Variants in P4HA1 observed in about 807,000 individuals in gnomAD.
P4HA1 encodes prolyl 4-hydroxylase subunit alpha 1.
In P4HA1, 24 loss-of-function variants were observed where a neutral mutation model predicts 72.8. The observed-to-expected ratio is 0.33, with a 90% CI of 0.24 to 0.46. The LOEUF is 0.46. P4HA1 is among the 20% of genes least tolerant of loss of function. P4HA1 has a pLI of 1.00. For synonymous variants in P4HA1, 201 were observed against 218.8 expected (o/e 0.92, Z 0.72); for missense variants, 446 against 640.6 (o/e 0.70, Z 3.28).
chr10:73,093,873 AATATATATAT>A lies in P4HA1; in HGVS notation c.-33+2883_-33+2892del, dbSNP rs1167437294. ...AAAAAAAAAAAAAAAAAAAAAAAAA[AATATATATAT>A]ATATATATATATATATATATATATA... On this transcript the variant is annotated intron_variant, in intron 1 of 14. Transcript: ENST00000394890. Among the ~76,000 whole-genome samples the A allele has an allele frequency of 5.0e-3, 146 of 29,314 alleles. 4 individuals are homozygous for A. The highest frequency in any genetic ancestry group is 6.7e-3 in the Non-Finnish European group (84 of 12,594). The allele number at this position is 29,314 out of a possible 152,430, so 19.2% of individuals were successfully genotyped here.
chr10:73,036,667 G>C (rs930246104), intron 9 of P4HA1, among the ~76,000 whole-genome samples: 12 of 152,162 alleles, frequency 7.9e-5, no homozygotes, highest in African/African-American at 2.6e-4. Flanking sequence ...CAAAGTGCTG[G>C]AATTACAGGT....
chr10:73,017,148 TATAG>T (rs927678516), intron 10 of P4HA1, among the ~76,000 whole-genome samples: 3 of 147,708 alleles, frequency 2.0e-5, no homozygotes, highest in Non-Finnish European at 4.4e-5. Flanking sequence ...CAGATGTATA[TATAG>T]ATATCTATAT....
At chr10:73,076,102 T>C (rs942872931) in intron 1 of P4HA1, among the ~76,000 whole-genome samples, 1 of 151,918 alleles carries the variant, frequency 6.6e-6, no homozygotes, top group Non-Finnish European at 1.5e-5. Flanking sequence ...TAAAATAAAA[T>C]TGACTGTGGT....
chr10:73,053,611 G>A, intron 5 of P4HA1, 21 bp from the exon 6 acceptor site: 1 of 1,604,466 alleles, frequency 6.2e-7, no homozygotes, highest in South Asian at 1.1e-5. Context: ...AAAATACAGA[G>A]AACTTTAGGA....
intron 10 of P4HA1, 141 bp downstream of exon 10, chr10:73,030,130 G>A: frequency 2.4e-6 from 1 of 416,152 alleles, no homozygotes; most frequent in Non-Finnish European, 4.3e-6. Flanking sequence ...AAATCACTTT[G>A]CATGGTTGCA....
At chr10:73,037,332 T>C (rs1311531586) in intron 9 of P4HA1, among the ~76,000 whole-genome samples, 1 of 148,104 alleles carries the variant, frequency 6.8e-6, no homozygotes, top group East Asian at 2.0e-4. Flanking sequence ...AAAAACTTCA[T>C]GATTTTGTAA....
intron 12 of P4HA1, among the ~76,000 whole-genome samples, chr10:73,013,681 T>G (rs1439484702): frequency 1.3e-5 from 2 of 152,172 alleles, no homozygotes; most frequent in Non-Finnish European, 2.9e-5. Flanking sequence ...TAAAAATATA[T>G]AAACAATTTT....
At chr10:73,023,818 A>G (rs1840196015) in intron 10 of P4HA1, among the ~76,000 whole-genome samples, 1 of 151,940 alleles carries the variant, frequency 6.6e-6, no homozygotes, top group African/African-American at 2.4e-5. Context: ...GAAAAAAAAA[A>G]AAAAAAGCAG....
chr10:73,054,261 T>G (rs535254133), intron 5 of P4HA1, among the ~76,000 whole-genome samples: 1 of 152,186 alleles, frequency 6.6e-6, no homozygotes, highest in Non-Finnish European at 1.5e-5. Flanking sequence ...AAGAGATGAA[T>G]GTACAGGAGG....
At position 73,046,248 on chromosome 10, in the gene P4HA1, T is replaced by C. The variant is rs879440412; in HGVS notation, c.1077+677A>G. ...TAGAATTTATTCAACAATCTCTTTATGAAAGTGATGGCAGCTTGTATTTTA... is the reference window on the plus strand; with the variant it reads ...TAGAATTTATTCAACAATCTCTTTACGAAAGTGATGGCAGCTTGTATTTTA... On this transcript the variant is annotated intron_variant, in intron 8 of 14. Coordinates refer to ENST00000394890, the MANE Select transcript of P4HA1 (RefSeq NM_001017962.3). 3.9e-5 allele frequency among the ~76,000 whole-genome samples: 6 copies of C among 152,292 alleles called. 1 individual carries two copies. Among genetic ancestry groups the C allele is most frequent in the South Asian group, 4.1e-4 (2 of 4,834 alleles).
chr10:73,095,896 T>TC (rs1842154065), intron 1 of P4HA1, among the ~76,000 whole-genome samples: 1 of 149,982 alleles, frequency 6.7e-6, no homozygotes, highest in African/African-American at 2.4e-5. Flanking sequence ...CCATCCTTCC[T>TC]CCCCATTGAA....
At position 73,074,833 on chromosome 10, in the gene P4HA1, A is replaced by G. The variant is rs1345758717; in HGVS notation, c.51T>C (p.Ala17=). 1.9e-6 allele frequency: 3 copies of G among 1,576,864 alleles called. No individual in the cohort carries two copies. In the Admixed American group the frequency reaches 5.0e-5, roughly 26 times the overall value. ...IIGILLPQSL[A]HPGFFTSIGQ... ...CAATTGAAGTAAAAAAGCCTGGATGAGCCAAAGACTGGGGAAGCAGAATTC... is the reference window on the plus strand; with the variant it reads ...CAATTGAAGTAAAAAAGCCTGGATGGGCCAAAGACTGGGGAAGCAGAATTC... Residue 17 remains alanine (A), a synonymous_variant, in exon 2 of 15, where the codon GCT becomes GCC. Coordinates refer to ENST00000394890, the MANE Select transcript of P4HA1 (RefSeq NM_001017962.3).
At chr10:73,027,449 A>C (rs1205818368) in intron 10 of P4HA1, among the ~76,000 whole-genome samples, 5 of 75,714 alleles carry the variant, frequency 6.6e-5, no homozygotes, top group Admixed American at 1.5e-4. Context: ...GGCCTGTCGG[A>C]GGGTGGGGGG....
chr10:73,059,376 G>C (rs1841244866), intron 5 of P4HA1, among the ~76,000 whole-genome samples: 1 of 135,994 alleles, frequency 7.4e-6, no homozygotes, highest in Non-Finnish European at 1.5e-5. Flanking sequence ...GATCTCCTGA[G>C]CCAGGGAGTT....
At chr10:73,090,181 GAGTAC>G (rs1842000457) in intron 1 of P4HA1, among the ~76,000 whole-genome samples, 1 of 151,828 alleles carries the variant, frequency 6.6e-6, no homozygotes, top group African/African-American at 2.4e-5. Context: ...CACCAGGCTG[GAGTAC>G]AGTAGCACAA....
At chr10:73,073,418 A>AC (rs979891160) in intron 3 of P4HA1, among the ~76,000 whole-genome samples, 1 of 151,750 alleles carries the variant, frequency 6.6e-6, no homozygotes, top group Non-Finnish European at 1.5e-5. Context: ...ACAGGGTTTC[A>AC]CCACATTGGC....
rs758417324 is a variant in P4HA1, at chr10:73,068,988, A to G, written c.326-5T>C. 1 of 1,602,692 alleles carries G rather than the reference A, an allele frequency of 6.2e-7. No individual in the cohort carries two copies. ...TGGTTAGGTTAGAGATAAAGCCTTG[A>G]AATAGATAAATCAAAGAAAAAAAAA... On this transcript the variant is annotated splice_region_variant and splice_polypyrimidine_tract_variant and intron_variant, in intron 4 of 14. Coordinates refer to ENST00000394890, the MANE Select transcript of P4HA1 (RefSeq NM_001017962.3).
chr10:73,049,829 A>T (rs927674671), intron 7 of P4HA1, among the ~76,000 whole-genome samples: 3 of 152,204 alleles, frequency 2.0e-5, no homozygotes, highest in African/African-American at 7.2e-5. Flanking sequence ...AATCTGTTGT[A>T]TCTCATAAGA....
intron 5 of P4HA1, among the ~76,000 whole-genome samples, chr10:73,061,417 G>C (rs1269835943): frequency 1.3e-5 from 2 of 151,150 alleles, no homozygotes; most frequent in Non-Finnish European, 1.5e-5. Flanking sequence ...GCTAACCAAT[G>C]TCATAAAGAG....
Sources: gnomAD v4.1 joint callset for allele counts (sites outside exome capture counted in the v4.1 genomes callset) on GRCh38, gnomAD v4.1.1 for gene constraint, MANE v1.5 for transcripts, NCBI Gene and HGNC (gene_info 2026-07-23, HGNC 2026-07-21) for gene names.